PCDHA9: variants seen among roughly 807,000 people sequenced by gnomAD.
PCDHA9 encodes the protein protocadherin alpha-9.
In PCDHA9, 62 loss-of-function variants were observed where a neutral mutation model predicts 62.0. That is an observed-to-expected ratio of 1.00 (90% confidence interval 0.81 to 1.23). PCDHA9 has a LOEUF of 1.23. Among genes scored for constraint, PCDHA9 ranks in the 50% most tolerant of loss-of-function variants. PCDHA9 has a pLI of 0.00. For missense variants in PCDHA9, 1,205 were observed against 1,249.8 expected (o/e 0.96, Z 0.54); for synonymous variants, 557 against 567.6 (o/e 0.98, Z 0.27).
chr5:140,986,154 A>G (rs2097188970), intron 3 of PCDHA9, among the ~76,000 whole-genome samples: 1 of 152,182 alleles, frequency 6.6e-6, no homozygotes, highest in Non-Finnish European at 1.5e-5. Context: ...TCACCAAGTA[A>G]TGTTTTCTGC....
chr5:140,938,765 AC>A (rs1309568560), intron 1 of PCDHA9, among the ~76,000 whole-genome samples: 1 of 152,182 alleles, frequency 6.6e-6, no homozygotes, highest in Non-Finnish European at 1.5e-5. Context: ...GTTATTGGGT[AC>A]TAGACTTAGT....
intron 2 of PCDHA9, among the ~76,000 whole-genome samples, chr5:140,980,278 GAAAAGT>G (rs1267614144): frequency 6.6e-6 from 1 of 152,166 alleles, no homozygotes; most frequent in Non-Finnish European, 1.5e-5. Context: ...ACCAACTCTT[GAAAAGT>G]ACCAAAGCTA....
chr5:141,003,308 A>C (rs2098118679), intron 3 of PCDHA9, among the ~76,000 whole-genome samples: 1 of 152,200 alleles, frequency 6.6e-6, no homozygotes, highest in Non-Finnish European at 1.5e-5. Context: ...TGAAGTGGCC[A>C]GCTACTTCCA....
intron 3 of PCDHA9, among the ~76,000 whole-genome samples, chr5:141,000,680 T>C (rs953789526): frequency 1.3e-5 from 2 of 151,376 alleles, no homozygotes; most frequent in African/African-American, 2.4e-5. Flanking sequence ...CACCTGCCTC[T>C]GCCTCCCAAA....
chr5:140,950,809 A>G (rs1554219635), intron 1 of PCDHA9, among the ~76,000 whole-genome samples: 1 of 152,102 alleles, frequency 6.6e-6, no homozygotes, highest in African/African-American at 2.4e-5. Context: ...GTTTTACCAT[A>G]GTAGGGTTAA....
chr5:140,970,847 C>A (rs2096437224), intron 1 of PCDHA9, among the ~76,000 whole-genome samples: 1 of 149,802 alleles, frequency 6.7e-6, no homozygotes, highest in Non-Finnish European at 1.5e-5. Context: ...TGCACAGGCA[C>A]AAAAGTTCCA....
intron 1 of PCDHA9, chr5:140,865,531 T>A (rs562505947): frequency 4.6e-5 from 7 of 152,326 alleles, no homozygotes; most frequent in African/African-American, 1.7e-4. Flanking sequence ...ATTCTCTTCA[T>A]CCATAGCTAT....
chr5:140,941,214 C>CTTTCTTTCTTTCTGTCTTT, intron 1 of PCDHA9, among the ~76,000 whole-genome samples: 1 of 122,492 alleles, frequency 8.2e-6, no homozygotes, highest in African/African-American at 3.1e-5. Flanking sequence ...TTTCTTTCTT[C>CTTTCTTTCTTTCTGTCTTT]CTTTCTTTCT....
chr5:140,978,406 T>C (rs1268497033), intron 1 of PCDHA9, among the ~76,000 whole-genome samples: 1 of 152,206 alleles, frequency 6.6e-6, no homozygotes, highest in African/African-American at 2.4e-5. Context: ...CCCTCTTCAA[T>C]CAGAAAAGAG....
chr5:140,875,206 A>G (rs1554167551), intron 1 of PCDHA9: 2 of 644,508 alleles, frequency 3.1e-6, no homozygotes, highest in South Asian at 3.9e-5. Context: ...AAGTGGCTAA[A>G]CCGAAAAGAA....
At chr5:140,919,166 GT>G (rs1382267419) in intron 1 of PCDHA9, among the ~76,000 whole-genome samples, 15 of 152,114 alleles carry the variant, frequency 9.9e-5, no homozygotes, top group Admixed American at 9.8e-4. Context: ...TATGTTTTTA[GT>G]TGCTATATCT....
chr5:140,883,065 C>T, intron 1 of PCDHA9: 1 of 1,614,056 alleles, frequency 6.2e-7, no homozygotes, highest in Non-Finnish European at 8.5e-7. Flanking sequence ...AAGCTAAATG[C>T]CACAGATCCT....
chr5:140,890,319 A>C (rs2062592452), intron 1 of PCDHA9, among the ~76,000 whole-genome samples: 1 of 152,206 alleles, frequency 6.6e-6, no homozygotes, highest in Admixed American at 6.5e-5. Context: ...AGTTGTTTTA[A>C]GATATTAGGT....
intron 1 of PCDHA9, chr5:140,884,328 T>C: frequency 1.2e-6 from 2 of 1,613,822 alleles, no homozygotes; most frequent in Non-Finnish European, 1.7e-6. Flanking sequence ...GCAGGCGCTG[T>C]GGGTCCAGAA....
chr5:140,876,732 C>T, intron 1 of PCDHA9: 1 of 1,614,246 alleles, frequency 6.2e-7, no homozygotes, highest in South Asian at 1.1e-5. Context: ...GCGTGTCGGC[C>T]TATGAGCTGG....
At chr5:140,962,220 T>A (rs1174731292) in intron 1 of PCDHA9, among the ~76,000 whole-genome samples, 2 of 152,186 alleles carry the variant, frequency 1.3e-5, no homozygotes, top group African/African-American at 4.8e-5. Flanking sequence ...GATCTTGAGG[T>A]TCAAGTTTCA....
At chr5:140,880,258 A>G (rs1278819523) in intron 1 of PCDHA9, among the ~76,000 whole-genome samples, 3 of 152,246 alleles carry the variant, frequency 2.0e-5, no homozygotes. Flanking sequence ...GTATGTATAC[A>G]TATTTTAGTT....
At chr5:140,896,019 C>A (rs2065310725) in intron 1 of PCDHA9, among the ~76,000 whole-genome samples, 1 of 152,144 alleles carries the variant, frequency 6.6e-6, no homozygotes, top group African/African-American at 2.4e-5. Flanking sequence ...CCATGTTGGC[C>A]AGGCTGGTCT....
At chr5:140,998,853 T>G (rs575455675) in intron 3 of PCDHA9, among the ~76,000 whole-genome samples, 1 of 152,346 alleles carries the variant, frequency 6.6e-6, no homozygotes, top group South Asian at 2.1e-4. Flanking sequence ...GTGAGCCACA[T>G]GCCTGGCCTT....
Sources: allele counts gnomAD v4.1 joint callset (sites outside exome capture counted in the v4.1 genomes callset), GRCh38; gene constraint gnomAD v4.1.1; transcripts MANE v1.5; gene names NCBI Gene and HGNC (gene_info 2026-07-23, HGNC 2026-07-21).